The following PDE1C variants were observed in gnomAD, a reference collection of about 807,000 sequenced individuals.
The protein encoded by PDE1C is dual specificity calcium/calmodulin-dependent 3',5'-cyclic nucleotide phosphodiesterase 1C.
PDE1C carries 62 observed loss-of-function variants against 93.1 expected under a neutral mutation model. The observed-to-expected ratio is 0.67, with a 90% CI of 0.54 to 0.82. The LOEUF (loss-of-function observed/expected upper bound fraction) is 0.82, where lower values mean the gene tolerates loss of function less well. Ranked by LOEUF, PDE1C falls within the 40% of genes least tolerant of loss-of-function variation. The pLI, the probability that PDE1C is intolerant of heterozygous loss-of-function variation, is 0.00. For synonymous variants in PDE1C, 325 were observed against 310.1 expected (o/e 1.05, Z -0.50); for missense variants, 742 against 884.6 (o/e 0.84, Z 2.04).
At chr7:32,214,176 C>T (rs1476527629) in intron 1 of PDE1C, among the ~76,000 whole-genome samples, 1 of 151,826 alleles carries the variant, frequency 6.6e-6, no homozygotes, top group East Asian at 1.9e-4. Flanking sequence ...TACACGGACA[C>T]ATATATACAT....
intron 1 of PDE1C, among the ~76,000 whole-genome samples, chr7:32,416,558 T>C (rs28419665): frequency 1.3e-5 from 2 of 152,056 alleles, no homozygotes; most frequent in East Asian, 3.9e-4. Context: ...GTGATTAAAC[T>C]ATACATACAA....
chr7:31,848,441 ATTTATT>A (rs1294260098), intron 8 of PDE1C, among the ~76,000 whole-genome samples: 17 of 152,178 alleles, frequency 1.1e-4, no homozygotes, highest in African/African-American at 1.9e-4. Context: ...CTGGAATGAC[ATTTATT>A]TTTATTTTTA....
At chr7:32,111,525 T>C (rs959003030) in intron 3 of PDE1C, among the ~76,000 whole-genome samples, 3 of 152,124 alleles carry the variant, frequency 2.0e-5, no homozygotes, top group Non-Finnish European at 2.9e-5. Flanking sequence ...TAGCCTGGGA[T>C]TGTGGAACCA....
At chr7:32,282,485 A>AAATAGATAGATAGATAG (rs1554300215) in intron 1 of PDE1C, among the ~76,000 whole-genome samples, 16 of 143,934 alleles carry the variant, frequency 1.1e-4, no homozygotes, top group African/African-American at 4.2e-4. Context: ...TCAAAAAAAA[A>AAATAGATAGATAGATAG]ATAGATAGAT....
chr7:32,270,960 G>A lies in PDE1C; in HGVS notation c.85+27691C>T, dbSNP rs187948344. 1.3e-4 allele frequency among the ~76,000 whole-genome samples: 20 copies of A among 150,918 alleles called. No homozygotes were observed. The East Asian group carries it at 2.7e-3, about 21-fold the overall frequency. ...AGTCTGACCAACATGGTGAAACCCC[G>A]TCTCTACTAAAAAAAGAAAAAAAAA... On this transcript the variant is annotated intron_variant, in intron 1 of 18. Transcript: ENST00000396193.
At chr7:32,046,088 C>T (rs1416045095) in intron 2 of PDE1C, among the ~76,000 whole-genome samples, 1 of 152,072 alleles carries the variant, frequency 6.6e-6, no homozygotes, top group African/African-American at 2.4e-5. Context: ...TGCCTTGCCA[C>T]AGATAGAGGC....
At position 31,932,765 on chromosome 7, in the gene PDE1C, C is replaced by CTCCATTTTGCGCCTGCATA. The variant is rs1220453951; in HGVS notation, c.129-51906_129-51905insTATGCAGGCGCAAAATGGA. Reference sequence around the variant, plus strand: ...ATTCTACCATAAAGACACATGCGCACATATGTTTACTGCAGTGCTATTCAC... The same window carrying CTCCATTTTGCGCCTGCATA: ...ATTCTACCATAAAGACACATGCGCACTCCATTTTGCGCCTGCATAATATGTTTACTGCAGTGCTATTCAC... On this transcript the variant is annotated intron_variant, in intron 2 of 17. Coordinates refer to ENST00000396191, the MANE Select transcript of PDE1C (RefSeq NM_001191057.4). 2.1e-3 allele frequency among the ~76,000 whole-genome samples: 326 copies of CTCCATTTTGCGCCTGCATA among 152,208 alleles called. 2 individuals carry two copies. The highest frequency in any genetic ancestry group is 7.6e-3 in the African/African-American group (314 of 41,516).
chr7:32,280,785 C>T (rs1031597540), intron 1 of PDE1C, among the ~76,000 whole-genome samples: 2 of 152,218 alleles, frequency 1.3e-5, no homozygotes, highest in Admixed American at 6.5e-5. Context: ...GCCAGGAACT[C>T]GAGACCAGCC....
At chr7:31,792,498 A>G (rs1228514922) in intron 16 of PDE1C, among the ~76,000 whole-genome samples, 1 of 152,090 alleles carries the variant, frequency 6.6e-6, no homozygotes, top group Non-Finnish European at 1.5e-5. Context: ...TAATAAACAC[A>G]CCAATTATAT....
At chr7:32,118,135 G>A (rs1799088556) in intron 3 of PDE1C, among the ~76,000 whole-genome samples, 1 of 152,214 alleles carries the variant, frequency 6.6e-6, no homozygotes, top group Non-Finnish European at 1.5e-5. Flanking sequence ...GGAGAGAGTG[G>A]AGGGTTACAT....
intron 2 of PDE1C, among the ~76,000 whole-genome samples, chr7:32,049,113 C>T (rs1424526610): frequency 3.9e-5 from 6 of 152,162 alleles, no homozygotes; most frequent in Non-Finnish European, 7.4e-5. Flanking sequence ...TTACTTTTTA[C>T]TACTCAAGAC....
chr7:31,895,580 T>TTCTCTCTCTCTCTC (rs60958547), intron 2 of PDE1C, among the ~76,000 whole-genome samples: 2,732 of 144,834 alleles, frequency 0.019, 106 homozygotes, highest in African/African-American at 0.066. Flanking sequence ...TTTCTCTCTT[T>TTCTCTCTCTCTCTC]TCTCTCTCTC....
chr7:31,864,978 C>T lies in PDE1C; in HGVS notation c.714G>A (p.Gln238=), dbSNP rs751874343. The T allele has an allele frequency of 3.7e-6, 6 of 1,614,094 alleles. No individual in the cohort carries two copies. Among genetic ancestry groups the T allele is most frequent in the Admixed American group, 1.7e-5 (1 of 60,024 alleles). ...HNLMHAADVT[Q]TVHYLLYKTG... is the part of the protein sequence containing the mutation. ...TCTTATAGAGGAGGTAATGCACTGT[C>T]TGTGTAACATCGGCAGCGTGCATTA... The change falls in exon 7 of 18, where the codon CAG becomes CAA. Residue 238 remains glutamine (Q), a synonymous_variant. Coordinates refer to ENST00000396191, the MANE Select transcript of PDE1C (RefSeq NM_001191057.4).
the PDE1C span, among the ~76,000 whole-genome samples, chr7:31,627,285 G>C: frequency 6.6e-6 from 1 of 152,086 alleles, no homozygotes; most frequent in Admixed American, 6.6e-5. Context: ...AAAATGGGTT[G>C]GAATCAGTAA....
intron 2 of PDE1C, among the ~76,000 whole-genome samples, chr7:32,172,126 T>A (rs1425019263): frequency 6.6e-6 from 1 of 151,916 alleles, no homozygotes; most frequent in Non-Finnish European, 1.5e-5. Flanking sequence ...AAAAATTTTT[T>A]AAGTAGAGCC....
intron 3 of PDE1C, among the ~76,000 whole-genome samples, chr7:32,112,492 T>C (rs1163885390): frequency 1.3e-5 from 2 of 152,120 alleles, no homozygotes; most frequent in African/African-American, 4.8e-5. Flanking sequence ...TGAAACAGGG[T>C]CTCGCTCTGT....
chr7:31,841,606 A>G (rs1184080082), intron 9 of PDE1C, among the ~76,000 whole-genome samples: 1 of 152,176 alleles, frequency 6.6e-6, no homozygotes, highest in Non-Finnish European at 1.5e-5. Context: ...TGCTTGTTAT[A>G]TATCTATTAA....
intron 2 of PDE1C, chr7:32,170,031 G>T (rs1252257895): frequency 1.1e-5 from 14 of 1,309,276 alleles, no homozygotes; most frequent in Non-Finnish European, 1.5e-5. Context: ...CCCCAACTCA[G>T]GATCTTCCAA....
intron 1 of PDE1C, among the ~76,000 whole-genome samples, chr7:32,273,105 C>T (rs928442928): frequency 1.3e-5 from 2 of 152,140 alleles, no homozygotes; most frequent in Admixed American, 1.3e-4. Flanking sequence ...ATGAAGAAAT[C>T]TATTTCAGCT....
Sources: allele counts gnomAD v4.1 joint callset (sites outside exome capture counted in the v4.1 genomes callset), GRCh38; gene constraint gnomAD v4.1.1; transcripts MANE v1.5; gene names NCBI Gene and HGNC (gene_info 2026-07-23, HGNC 2026-07-21).